Variants in NOTCH3 observed in about 807,000 individuals in gnomAD.
NOTCH3 encodes the protein neurogenic locus notch homolog protein 3.
Under a neutral mutation model 213.3 loss-of-function variants are expected in NOTCH3, and 86 were observed. The ratio of observed to expected loss-of-function variants is 0.40; its 90% CI spans 0.34 to 0.48. The LOEUF (loss-of-function observed/expected upper bound fraction) is 0.48, where lower values mean the gene tolerates loss of function less well. Among genes scored for constraint, NOTCH3 ranks in the 20% least tolerant of loss-of-function variants. The pLI, the probability that NOTCH3 is intolerant of heterozygous loss-of-function variation, is 0.57. For missense variants in NOTCH3, 2,783 were observed against 3,272.6 expected, an observed-to-expected ratio of 0.85 and a Z score of 3.65; for synonymous variants, 1,354 against 1,355.9, an observed-to-expected ratio of 1.00 and a Z score of 0.03.
At chr19:15,183,669 G>A (rs1348062535) in intron 16 of NOTCH3, among the ~76,000 whole-genome samples, 3 of 152,168 alleles carry the variant, frequency 2.0e-5, no homozygotes, top group Non-Finnish European at 4.4e-5. Flanking sequence ...AAAGTGCTGA[G>A]ATTACAGGTG....
At chr19:15,200,283 G>A (rs1197468720) in intron 1 of NOTCH3, among the ~76,000 whole-genome samples, 2 of 151,486 alleles carry the variant, frequency 1.3e-5, no homozygotes, top group Non-Finnish European at 3.0e-5. Context: ...GCTGCGCGCC[G>A]GCCTGGGAAG....
At chr19:15,167,447 C>A in intron 28 of NOTCH3, 36 bp from the exon 29 acceptor site, 1 of 1,597,382 alleles carries the variant, frequency 6.3e-7, no homozygotes, top group Admixed American at 1.7e-5. Context: ...CAGATCTCAC[C>A]CTTTGGTGCT....
At chr19:15,195,611 G>C (rs1293094676) in intron 2 of NOTCH3, among the ~76,000 whole-genome samples, 1 of 151,956 alleles carries the variant, frequency 6.6e-6, no homozygotes, top group East Asian at 1.9e-4. Flanking sequence ...AAACAGGTCG[G>C]GGCACGGCCG....
intron 2 of NOTCH3, 146 bp from the exon 3 acceptor site, chr19:15,192,665 AG>A: frequency 8.1e-7 from 1 of 1,236,602 alleles, no homozygotes; most frequent in Non-Finnish European, 1.1e-6. Context: ...CTGTAATCCC[AG>A]AACTTTGGGA....
chr19:15,161,216 C>A lies in NOTCH3; in HGVS notation c.6412G>T (p.Ala2138Ser), dbSNP rs2145381532. 3.9e-6 allele frequency: 6 copies of A among 1,545,784 alleles called. No homozygotes were observed. The highest frequency in any genetic ancestry group is 5.2e-6 in the Non-Finnish European group (6 of 1,151,166). Reference sequence around the variant, plus strand: ...GCCCGGCCTGGGCCACCAAGCTGTGCCAGAGACACTGCAGTGGCAGTGGCA... The same window carrying A: ...GCCCGGCCTGGGCCACCAAGCTGTGACAGAGACACTGCAGTGGCAGTGGCA... ...AAATATAVSL[A>S]QLGGPGRAGL... The change falls in exon 33 of 33, where the codon GCA becomes TCA. Residue 2138 changes from alanine to serine, a missense_variant. By Grantham distance (99) the Ala-to-Ser change is moderately conservative. Coordinates refer to ENST00000263388, the MANE Select transcript of NOTCH3 (RefSeq NM_000435.3).
In NOTCH3 at chr19:15,159,188, C is replaced by G. The variant is rs952983124; in HGVS notation, c.*1474G>C. 3.3e-5 allele frequency: 5 copies of G among 152,190 alleles called. No individual in the cohort carries two copies. Among genetic ancestry groups the G allele is most frequent in the African/African-American group, 9.7e-5 (4 of 41,430 alleles). 9.4% of individuals were successfully genotyped at this position (152,190 alleles called of 1,614,324 possible). A position where few individuals can be genotyped will look rare whatever the true frequency, so the allele number is the denominator to read the frequency against. On this transcript the variant is annotated 3_prime_UTR_variant, in exon 33 of 33. Transcript: ENST00000263388. Reference sequence around the variant, plus strand: ...CCTGTTGATCTCAATGGAATGAACACTCAATTAACTGGAATTGATAACTGC... The same window carrying G: ...CCTGTTGATCTCAATGGAATGAACAGTCAATTAACTGGAATTGATAACTGC...
intron 24 of NOTCH3, among the ~76,000 whole-genome samples, chr19:15,175,548 A>AT (rs1328121945): frequency 1.0e-4 from 6 of 58,914 alleles, no homozygotes; most frequent in Middle Eastern, 8.1e-3. Context: ...AAAAAAAAAA[A>AT]AAAAATACAT....
rs1599380389 is a variant in NOTCH3, at chr19:15,179,198, C to G, written c.3545G>C (p.Cys1182Ser). ...GCGGAAACCACCCACCAGGTCCACG[C>G]AGGTGCCATTGTGTAGGCACCGGGG... ...SGPRCLHNGT[C>S]VDLVGGFRCT... The change falls in exon 22 of 33, where the codon TGC (cysteine) becomes TCC (serine). Residue 1182 changes from cysteine to serine, a missense_variant. Cys to Ser is a moderately radical substitution (Grantham distance 112). Transcript: ENST00000263388. The G allele has an allele frequency of 6.2e-7, 1 of 1,614,084 alleles. No individual in the cohort carries two copies. The highest frequency in any genetic ancestry group is 8.5e-7 in the Non-Finnish European group (1 of 1,180,002).
In NOTCH3 at chr19:15,179,115, G is replaced by T. The variant is rs758961316; in HGVS notation, c.3628C>A (p.Arg1210Ser). ...TGTGCCGCGTGGCAGGCACCTGAGCGACACTCATTGATGTCTGCCTCGCAG... is the reference window on the plus strand; with the variant it reads ...TGTGCCGCGTGGCAGGCACCTGAGCTACACTCATTGATGTCTGCCTCGCAG... ...LRCEADINEC[R>S]SGACHAAHTR... The change falls in exon 22 of 33, where the codon CGC becomes AGC. Residue 1210 changes from arginine (R) to serine (S), a missense_variant. Arg to Ser is a moderately radical substitution (Grantham distance 110, BLOSUM62 -1). Coordinates refer to ENST00000263388, the MANE Select transcript of NOTCH3 (RefSeq NM_000435.3). 6.2e-7 allele frequency: 1 copy of T among 1,614,182 alleles called. No homozygotes were observed. The highest frequency in any genetic ancestry group is 1.1e-5 in the South Asian group (1 of 91,088).
At chr19:15,189,512 T>C in intron 6 of NOTCH3, 84 bp from the exon 7 acceptor site, 2 of 1,530,746 alleles carry the variant, frequency 1.3e-6, no homozygotes, top group East Asian at 2.2e-5. Context: ...GTTTTGTCGT[T>C]GTTGTTGTTT....
intron 6 of NOTCH3, 67 bp from the exon 7 acceptor site, chr19:15,189,495 G>T: frequency 1.3e-6 from 2 of 1,564,644 alleles, no homozygotes; most frequent in Non-Finnish European, 1.8e-6. Context: ...CACACCCCTT[G>T]AGTATTGTTT....
chr19:15,174,396 C>A lies in NOTCH3; in HGVS notation c.4408G>T (p.Val1470Leu). 1 of 1,522,820 alleles carries A rather than the reference C, an allele frequency of 6.6e-7. No homozygotes were observed. Among genetic ancestry groups the A allele is most frequent in the Non-Finnish European group, 8.9e-7 (1 of 1,129,354 alleles). The allele number at this position is 1,522,820 out of a possible 1,614,324, so 94.3% of individuals were successfully genotyped here. The change falls in exon 25 of 33, where the codon GTG becomes TTG. Residue 1470 changes from valine (V) to leucine (L), a missense_variant. Transcript: ENST00000263388. ...AGGRERTCNPVYEKYCADHFA... is the reference protein window; with the variant it reads ...AGGRERTCNPLYEKYCADHFA... Reference sequence around the variant, plus strand: ...TGGTCGGCGCAGTACTTCTCGTACACCGGGCTGGTGGGGAAGGGTGAGGCA... The same window carrying A: ...TGGTCGGCGCAGTACTTCTCGTACAACGGGCTGGTGGGGAAGGGTGAGGCA...
intron 15 of NOTCH3, 131 bp from the exon 16 acceptor site, chr19:15,184,581 T>C (rs1438005770): frequency 1.1e-6 from 1 of 870,624 alleles, no homozygotes; most frequent in Non-Finnish European, 1.8e-6. Flanking sequence ...CATTCGTGTC[T>C]GGGCATTTTG....
intron 24 of NOTCH3, among the ~76,000 whole-genome samples, chr19:15,176,669 G>A (rs764494040): frequency 8.0e-5 from 12 of 149,262 alleles, no homozygotes; most frequent in Non-Finnish European, 1.6e-4. Flanking sequence ...AGGCTGAGGT[G>A]TGAGGGTTAC....
chr19:15,174,994 T>C (rs1423220655), intron 24 of NOTCH3, among the ~76,000 whole-genome samples: 1 of 152,060 alleles, frequency 6.6e-6, no homozygotes, highest in Non-Finnish European at 1.5e-5. Context: ...CAAATTATCC[T>C]CCCTCTTCAG....
Position 15,173,784 on chromosome 19 carries a change from G to GAGAAGA in NOTCH3, c.4736+278_4736+283dup, listed in dbSNP as rs1245899990. Among the ~76,000 whole-genome samples, 9 of 146,546 alleles carry GAGAAGA rather than the reference G, an allele frequency of 6.1e-5. No individual in the cohort carries two copies. The South Asian group carries it at 8.6e-4, about 14-fold the overall frequency. On this transcript the variant is annotated intron_variant, in intron 25 of 32. Coordinates refer to ENST00000263388, the MANE Select transcript of NOTCH3 (RefSeq NM_000435.3). ...GGAGAAGGAGAAGGAGAAGGAGAAG[G>GAGAAGA]AGAAGAAGAAGAAGAAGAAGAAAAA... is the stretch of plus-strand genomic sequence containing the variant.
Position 15,162,518 on chromosome 19 carries a change from C to T in NOTCH3, c.5860G>A (p.Ala1954Thr). Reference protein sequence around the residue: ...HWAAAVNNVEATLALLKNGAN... With the variant: ...HWAAAVNNVETTLALLKNGAN... Reference sequence around the variant, plus strand: ...CCATTTTTGAGCAGGGCCAAAGTGGCTTCCACGTTGTTCACAGCCGCAGCC... The same window carrying T: ...CCATTTTTGAGCAGGGCCAAAGTGGTTTCCACGTTGTTCACAGCCGCAGCC... Residue 1954 changes from alanine (A) to threonine (T), a missense_variant, in exon 32 of 33, where the codon GCC becomes ACC. Around this residue, in one of 6 missense-constraint regions of NOTCH3, gnomAD observed 636 missense variants for 801.8 expected, o/e 0.79. Transcript: ENST00000263388. 1 of 1,614,018 alleles carries T rather than the reference C, an allele frequency of 6.2e-7. No individual in the cohort carries two copies. The highest frequency in any genetic ancestry group is 8.5e-7 in the Non-Finnish European group (1 of 1,180,020).
At chr19:15,163,194 C>T (rs143895632) in intron 31 of NOTCH3, among the ~76,000 whole-genome samples, 1,772 of 152,262 alleles carry the variant, frequency 0.012, 12 homozygotes, top group African/African-American at 0.018. Context: ...CATGAGCCAC[C>T]GTGCCCAACC....
chr19:15,200,038 G>A (rs1449575223), intron 1 of NOTCH3, among the ~76,000 whole-genome samples: 15 of 104,744 alleles, frequency 1.4e-4, no homozygotes, highest in African/African-American at 4.6e-4. Context: ...GGAGGGGAGG[G>A]AGGAGAGGAG....
Sources: gnomAD v4.1 joint callset for allele counts (sites outside exome capture counted in the v4.1 genomes callset) on GRCh38, gnomAD v4.1.1 for gene constraint, gnomAD v4.1.1 regional missense constraint, MANE v1.5 for transcripts, NCBI Gene and HGNC (gene_info 2026-07-23, HGNC 2026-07-21) for gene names.